EEFSEC: variants seen among roughly 807,000 people sequenced by gnomAD.
EEFSEC encodes selenocysteine-specific elongation factor.
EEFSEC carries 43 observed loss-of-function variants against 42.1 expected under a neutral mutation model. The ratio of observed to expected loss-of-function variants is 1.02; its 90% CI spans 0.80 to 1.32. EEFSEC has a LOEUF of 1.32. Among genes scored for constraint, EEFSEC ranks in the 40% most tolerant of loss-of-function variants. EEFSEC has a pLI of 0.00. For synonymous variants in EEFSEC, 354 were observed against 339.1 expected (o/e 1.04, Z -0.48); for missense variants, 745 against 803.6 (o/e 0.93, Z 0.88).
intron 6 of EEFSEC, among the ~76,000 whole-genome samples, chr3:128,361,142 G>A (rs1005366897): frequency 6.6e-6 from 1 of 152,116 alleles, no homozygotes; most frequent in Admixed American, 6.5e-5. Flanking sequence ...CATGGGCCTC[G>A]CTGCCGGCTC....
chr3:128,409,646 G>A (rs1038809334), downstream of EEFSEC, among the ~76,000 whole-genome samples: 1 of 152,234 alleles, frequency 6.6e-6, no homozygotes, highest in Non-Finnish European at 1.5e-5. Flanking sequence ...CCCGGTGAGC[G>A]TGGCCTCCGC....
intron 5 of EEFSEC, among the ~76,000 whole-genome samples, chr3:128,347,880 A>C (rs1200068506): frequency 6.6e-6 from 1 of 152,234 alleles, no homozygotes; most frequent in Non-Finnish European, 1.5e-5. Flanking sequence ...CCTACTAGAC[A>C]TAAGGACAAC....
At chr3:128,280,870 T>G (rs2066518603) in intron 4 of EEFSEC, among the ~76,000 whole-genome samples, 1 of 152,222 alleles carries the variant, frequency 6.6e-6, no homozygotes, top group Admixed American at 6.5e-5. Flanking sequence ...TCACTGTTTT[T>G]TTTCCCCTCC....
chr3:128,154,519 G>T (rs939195188), intron 1 of EEFSEC, among the ~76,000 whole-genome samples: 1 of 151,158 alleles, frequency 6.6e-6, no homozygotes, highest in African/African-American at 2.4e-5. Flanking sequence ...GCACGATCTC[G>T]GCTCACTGCA....
chr3:128,313,697 A>G (rs16843876), intron 4 of EEFSEC, among the ~76,000 whole-genome samples: 26,504 of 152,224 alleles, frequency 0.17, 3,063 homozygotes, highest in African/African-American at 0.33. Flanking sequence ...CACAGCAGAG[A>G]ACTGTTCCCG....
chr3:128,422,510 G>A, the EEFSEC span, among the ~76,000 whole-genome samples: 48 of 152,228 alleles, frequency 3.2e-4, no homozygotes, highest in Non-Finnish European at 4.4e-5. Flanking sequence ...GAGGAAGGCA[G>A]GGAAGTGTGC....
intron 2 of EEFSEC, among the ~76,000 whole-genome samples, chr3:128,249,458 G>A (rs878874876): frequency 2.6e-5 from 4 of 151,460 alleles, no homozygotes; most frequent in African/African-American, 9.7e-5. Flanking sequence ...TATCATTTTA[G>A]CCACATGTAA....
At chr3:128,342,640 G>A (rs1397794431) in intron 5 of EEFSEC, among the ~76,000 whole-genome samples, 1 of 152,270 alleles carries the variant, frequency 6.6e-6, no homozygotes, top group African/African-American at 2.4e-5. Context: ...GCCTTGCTGG[G>A]CGGCCCTTGG....
intron 6 of EEFSEC, among the ~76,000 whole-genome samples, chr3:128,402,227 T>A (rs1487950558): frequency 6.6e-6 from 1 of 152,246 alleles, no homozygotes; most frequent in Non-Finnish European, 1.5e-5. Flanking sequence ...GACAGCCAAA[T>A]GGACAGTCTT....
rs371543958 is a variant in EEFSEC, at chr3:128,408,265, C to G, written c.*6C>G. The G allele has an allele frequency of 6.4e-7, 1 of 1,559,448 alleles. No individual in the cohort carries two copies. The highest frequency in any genetic ancestry group is 1.2e-5 in the South Asian group (1 of 83,680). On this transcript the variant is annotated 3_prime_UTR_variant, in exon 7 of 7. Transcript: ENST00000254730. Reference sequence around the variant, plus strand: ...GCATGGTTCAGTCTCCCTGAGTGTCCGGTGACCTCCCCCAGGGCCTCCTTG... The same window carrying G: ...GCATGGTTCAGTCTCCCTGAGTGTCGGGTGACCTCCCCCAGGGCCTCCTTG...
chr3:128,203,131 A>G (rs2065659197), intron 1 of EEFSEC, among the ~76,000 whole-genome samples: 1 of 152,204 alleles, frequency 6.6e-6, no homozygotes, highest in Admixed American at 6.5e-5. Context: ...CAGATTGTAG[A>G]TAGTATAAAT....
intron 4 of EEFSEC, among the ~76,000 whole-genome samples, chr3:128,323,066 A>G (rs1275177311): frequency 6.6e-6 from 1 of 152,214 alleles, no homozygotes; most frequent in Non-Finnish European, 1.5e-5. Flanking sequence ...GATATTTAAT[A>G]TTGACACCCC....
At chr3:128,370,297 G>A (rs2067638825) in intron 6 of EEFSEC, among the ~76,000 whole-genome samples, 4 of 152,158 alleles carry the variant, frequency 2.6e-5, no homozygotes, top group Admixed American at 1.3e-4. Flanking sequence ...GAAGGTGGTT[G>A]TTAGGAGGTT....
rs758108228 is a variant in EEFSEC, at chr3:128,264,745, C to T, written c.750C>T (p.Ile250=). Residue 250 remains isoleucine (I), a synonymous_variant, in exon 4 of 7, where the codon ATC becomes ATT. Transcript: ENST00000254730. ...CAGGGACCATCCTTTCAGGCTCCAT[C>T]AGCCTCGGTGACAGTGTGGAGATCC... ...VMTGTILSGS[I]SLGDSVEIPA... is the part of the protein sequence containing the mutation. 2 of 1,614,160 alleles carry T rather than the reference C, an allele frequency of 1.2e-6. No homozygotes were observed. The highest frequency in any genetic ancestry group is 4.5e-5 in the East Asian group (2 of 44,880).
chr3:128,375,888 C>T (rs1280624991), intron 6 of EEFSEC, among the ~76,000 whole-genome samples: 1 of 152,220 alleles, frequency 6.6e-6, no homozygotes, highest in Non-Finnish European at 1.5e-5. Flanking sequence ...CCCCTGTGAT[C>T]TCCACCACAC....
chr3:128,416,004 T>C, the EEFSEC span, among the ~76,000 whole-genome samples: 2 of 152,184 alleles, frequency 1.3e-5, no homozygotes, highest in African/African-American at 4.8e-5. Context: ...AGAGCAGGCG[T>C]TGGGGACCAG....
In EEFSEC at chr3:128,262,233, A is replaced by T. The variant is rs370162790; in HGVS notation, c.621+9A>T. ...TTCCAGAGCTCATTGAGGTACTGTC[A>T]TCTTGAATCCAGGTTGCCCTTTAGC... On this transcript the variant is annotated intron_variant, in intron 3 of 6. Transcript: ENST00000254730. 6.2e-7 allele frequency: 1 copy of T among 1,613,722 alleles called. No individual in the cohort carries two copies. The highest frequency in any genetic ancestry group is 2.2e-5 in the East Asian group (1 of 44,872).
chr3:128,214,137 C>T (rs1288324890), intron 1 of EEFSEC, among the ~76,000 whole-genome samples: 4 of 152,164 alleles, frequency 2.6e-5, no homozygotes, highest in African/African-American at 9.7e-5. Context: ...GGTAAGGGCT[C>T]CAGTGTCATT....
the EEFSEC span, among the ~76,000 whole-genome samples, chr3:128,423,394 G>T: frequency 6.6e-6 from 1 of 152,144 alleles, no homozygotes; most frequent in Non-Finnish European, 1.5e-5. Flanking sequence ...TGAAAGGATC[G>T]CCTGAGGCCA....
Sources: allele counts gnomAD v4.1 joint callset (sites outside exome capture counted in the v4.1 genomes callset), GRCh38; gene constraint gnomAD v4.1.1; transcripts MANE v1.5; gene names NCBI Gene and HGNC (gene_info 2026-07-23, HGNC 2026-07-21).